The following ANKRD27 variants were observed in gnomAD, a reference collection of about 807,000 sequenced individuals.
The protein encoded by ANKRD27 is ankyrin repeat domain-containing protein 27.
In ANKRD27, 112 loss-of-function variants were observed where a neutral mutation model predicts 129.7. That is an observed-to-expected ratio of 0.86 (90% confidence interval 0.74 to 1.01). ANKRD27 has a LOEUF of 1.01. Among genes scored for constraint, ANKRD27 ranks in the 50% least tolerant of loss-of-function variants. The probability of loss-of-function intolerance (pLI) is 0.00; values close to 1 mark genes in which losing one functional copy is unlikely to be tolerated. For missense variants in ANKRD27, 1,258 were observed against 1,300.5 expected (o/e 0.97, Z 0.50); for synonymous variants, 516 against 511.2 (o/e 1.01, Z -0.13).
intron 28 of ANKRD27, among the ~76,000 whole-genome samples, chr19:32,599,429 G>T (rs946434442): frequency 1.3e-5 from 2 of 152,176 alleles, no homozygotes; most frequent in African/African-American, 4.8e-5. Flanking sequence ...GTGAAATGTG[G>T]GATGTTTCAT....
chr19:32,604,787 G>C (rs1269302256), intron 24 of ANKRD27, among the ~76,000 whole-genome samples: 1 of 152,214 alleles, frequency 6.6e-6, no homozygotes, highest in Non-Finnish European at 1.5e-5. Context: ...GCCAGGCACA[G>C]TGGCCCATGC....
chr19:32,654,843 G>A (rs576910569), intron 2 of ANKRD27, among the ~76,000 whole-genome samples: 14 of 152,084 alleles, frequency 9.2e-5, no homozygotes, highest in Non-Finnish European at 1.5e-4. Flanking sequence ...GTGCAGTGGC[G>A]CAATCTCAGC....
intron 1 of ANKRD27, among the ~76,000 whole-genome samples, chr19:32,661,214 AAATT>A (rs1392468511): frequency 9.0e-6 from 1 of 111,082 alleles, no homozygotes; most frequent in African/African-American, 3.0e-5. Flanking sequence ...AAAAAAAAAA[AAATT>A]ATACACACAC....
chr19:32,604,239 G>A (rs377496235), intron 25 of ANKRD27, 24 bp downstream of exon 25: 55 of 1,579,316 alleles, frequency 3.5e-5, no homozygotes, highest in Middle Eastern at 4.5e-4. Flanking sequence ...GGATTCCCTC[G>A]GCTCTTCGAC....
At chr19:32,615,575 C>A in intron 22 of ANKRD27, 83 bp downstream of exon 22, 1 of 1,609,750 alleles carries the variant, frequency 6.2e-7, no homozygotes, top group South Asian at 1.1e-5. Flanking sequence ...CAGAACGAGA[C>A]CCTGTCTCAA....
chr19:32,634,798 C>T (rs1026123131), intron 12 of ANKRD27, among the ~76,000 whole-genome samples: 1 of 152,060 alleles, frequency 6.6e-6, no homozygotes, highest in African/African-American at 2.4e-5. Context: ...GCCTGTAGTC[C>T]CAGGTACTTG....
chr19:32,606,309 C>T (rs937730526), intron 23 of ANKRD27, among the ~76,000 whole-genome samples: 2 of 152,026 alleles, frequency 1.3e-5, no homozygotes, highest in South Asian at 2.1e-4. Context: ...CCTGCCACCA[C>T]GCTTGGCTAA....
intron 22 of ANKRD27, among the ~76,000 whole-genome samples, chr19:32,610,869 C>T (rs1971825226): frequency 6.6e-6 from 1 of 151,998 alleles, no homozygotes; most frequent in South Asian, 2.1e-4. Context: ...AATTCCAGGA[C>T]TTTGGGAGGC....
chr19:32,643,451 G>A lies in ANKRD27; in HGVS notation c.619C>T (p.Leu207=), dbSNP rs776162244. ...CTCACCTCCACTGCCTGCTTCATCA[G>A]GTTCATCTGGGCCTCCTGCTTGGCG... ...MLAKQEAQMN[L]MKQAVEIYVH... The change falls in exon 7 of 29, where the codon CTG becomes TTG. Residue 207 remains leucine, a synonymous_variant. Coordinates refer to ENST00000306065, the MANE Select transcript of ANKRD27 (RefSeq NM_032139.3). 6 of 1,613,660 alleles carry A rather than the reference G, an allele frequency of 3.7e-6. No individual in the cohort carries two copies. The highest frequency in any genetic ancestry group is 3.4e-6 in the Non-Finnish European group (4 of 1,179,994).
At chr19:32,664,873 T>C (rs1414968988) in intron 1 of ANKRD27, among the ~76,000 whole-genome samples, 2 of 145,336 alleles carry the variant, frequency 1.4e-5, no homozygotes, top group Admixed American at 7.1e-5. Flanking sequence ...TGAGCTGAGA[T>C]TGCACCACTG....
chr19:32,616,716 A>T (rs1009359156), intron 21 of ANKRD27, among the ~76,000 whole-genome samples: 7 of 152,094 alleles, frequency 4.6e-5, no homozygotes, highest in Admixed American at 1.3e-4. Context: ...AAGCCACGAC[A>T]TTCTCTCCAG....
chr19:32,641,030 C>T, intron 10 of ANKRD27, among the ~76,000 whole-genome samples: 1 of 152,094 alleles, frequency 6.6e-6, no homozygotes, highest in East Asian at 1.9e-4. Context: ...TCCTGAGCAG[C>T]TGGGACTACA....
intron 2 of ANKRD27, among the ~76,000 whole-genome samples, chr19:32,654,236 C>G (rs536961046): frequency 2.0e-5 from 3 of 152,012 alleles, no homozygotes; most frequent in South Asian, 4.1e-4. Context: ...TTTTTTGGAG[C>G]CTGATAAAGG....
chr19:32,637,400 A>G (rs1279719247), intron 12 of ANKRD27: 3 of 152,246 alleles, frequency 2.0e-5, no homozygotes, highest in Non-Finnish European at 4.4e-5. Context: ...CACGATTCAC[A>G]TAGAAATATA....
chr19:32,647,039 T>G (rs1959076014), intron 3 of ANKRD27, among the ~76,000 whole-genome samples: 1 of 152,206 alleles, frequency 6.6e-6, no homozygotes, highest in African/African-American at 2.4e-5. Context: ...TTGGCCAGGC[T>G]GCTCTTGAAC....
At chr19:32,601,001 TA>T (rs772599823) in intron 26 of ANKRD27, among the ~76,000 whole-genome samples, 4 of 151,318 alleles carry the variant, frequency 2.6e-5, no homozygotes, top group East Asian at 1.9e-4. Flanking sequence ...CGTACAAACT[TA>T]AAAAAAAATC....
At chr19:32,608,170 ATTTTTTT>A (rs3042665) in intron 22 of ANKRD27, among the ~76,000 whole-genome samples, 2 of 140,202 alleles carry the variant, frequency 1.4e-5, no homozygotes, top group Admixed American at 7.2e-5. Context: ...TGCCCAGCTA[ATTTTTTT>A]TTTTTTTTTT....
intron 17 of ANKRD27, among the ~76,000 whole-genome samples, chr19:32,623,175 C>G (rs1431350047): frequency 2.0e-5 from 3 of 151,880 alleles, no homozygotes; most frequent in Non-Finnish European, 2.9e-5. Flanking sequence ...ATGTACAGAA[C>G]AGAGTTACTA....
intron 15 of ANKRD27, 125 bp downstream of exon 15, chr19:32,627,958 G>T: frequency 2.4e-6 from 2 of 818,008 alleles, no homozygotes; most frequent in Non-Finnish European, 2.0e-6. Flanking sequence ...TTGGAGGGTG[G>T]ACCCACGATG....
Sources: gnomAD v4.1 joint callset for allele counts (sites outside exome capture counted in the v4.1 genomes callset) on GRCh38, gnomAD v4.1.1 for gene constraint, MANE v1.5 for transcripts, NCBI Gene and HGNC (gene_info 2026-07-23, HGNC 2026-07-21) for gene names.